The following KHDRBS1 variants were observed in gnomAD, a reference collection of about 807,000 sequenced individuals.
KHDRBS1 encodes KH RNA binding domain containing, signal transduction associated 1.
KHDRBS1 carries 7 observed loss-of-function variants against 48.4 expected under a neutral mutation model. The observed-to-expected ratio is 0.14, with a 90% CI of 0.08 to 0.27. KHDRBS1 has a LOEUF of 0.27. Ranked by LOEUF, KHDRBS1 falls within the 10% of genes least tolerant of loss-of-function variation. The pLI is 1.00. For synonymous variants in KHDRBS1, 241 were observed against 235.8 expected (o/e 1.02, Z -0.20); for missense variants, 458 against 601.2 (o/e 0.76, Z 2.49).
chr1:32,040,677 G>A (rs1167114276), intron 8 of KHDRBS1, among the ~76,000 whole-genome samples: 1 of 152,242 alleles, frequency 6.6e-6, no homozygotes, highest in Non-Finnish European at 1.5e-5. Flanking sequence ...CTATGTGGCA[G>A]TGGATGCAGC....
At chr1:32,058,269 G>A (rs1417113541) in intron 10 of KHDRBS1, among the ~76,000 whole-genome samples, 2 of 151,944 alleles carry the variant, frequency 1.3e-5, no homozygotes, top group Non-Finnish European at 2.9e-5. Context: ...TTTATTTTTT[G>A]TAGAGACAAG....
At chr1:32,037,458 A>AG (rs778793642) in intron 5 of KHDRBS1, among the ~76,000 whole-genome samples, 33 of 152,146 alleles carry the variant, frequency 2.2e-4, no homozygotes, top group Non-Finnish European at 4.6e-4. Flanking sequence ...AAAAAAAAAA[A>AG]TAGAGTTCTA....
At chr1:32,026,607 C>CA (rs911259325) in intron 1 of KHDRBS1, among the ~76,000 whole-genome samples, 4 of 152,178 alleles carry the variant, frequency 2.6e-5, no homozygotes, top group African/African-American at 9.7e-5. Context: ...CTTAAATTCA[C>CA]AGAGTGCATT....
intron 1 of KHDRBS1, among the ~76,000 whole-genome samples, chr1:32,016,186 G>GAAAAAAAAAA (rs576956025): frequency 1.2e-5 from 1 of 84,814 alleles, no homozygotes. Flanking sequence ...CTCAAAAAAG[G>GAAAAAAAAAA]AAAAAAAAAA....
chr1:32,029,015 C>G (rs1428255339), intron 1 of KHDRBS1, among the ~76,000 whole-genome samples: 1 of 152,158 alleles, frequency 6.6e-6, no homozygotes. Flanking sequence ...CTTTGCAAGA[C>G]AGATGTCTGG....
In KHDRBS1 at chr1:32,031,507, CCT is replaced by C. The variant is rs1553222937; in HGVS notation, c.508-14_508-13del. 6.9e-7 allele frequency: 1 copy of C among 1,451,998 alleles called. No homozygotes were observed. Among genetic ancestry groups the C allele is most frequent in the Non-Finnish European group, 9.5e-7 (1 of 1,054,598 alleles). The allele number at this position is 1,451,998 out of a possible 1,614,324, so 89.9% of individuals were successfully genotyped here. On this transcript the variant is annotated splice_polypyrimidine_tract_variant and intron_variant, in intron 2 of 8. Transcript: ENST00000327300. ...TATAGTAGCATGTATATTTAGAAAT[CCT>C]CTATTTTCTGTCAGTTCAATTTTGT...
intron 10 of KHDRBS1, among the ~76,000 whole-genome samples, chr1:32,059,219 G>T (rs1639516665): frequency 6.8e-6 from 1 of 147,658 alleles, no homozygotes; most frequent in South Asian, 2.2e-4. Context: ...AACATATTAA[G>T]GCTCCAGGTT....
At chr1:32,038,736 G>A in intron 7 of KHDRBS1, 117 bp downstream of exon 7, 1 of 936,576 alleles carries the variant, frequency 1.1e-6, no homozygotes, top group Non-Finnish European at 1.7e-6. Flanking sequence ...CCTTTTGAGG[G>A]TATCTCCTCT....
At chr1:32,056,978 TGTTAA>T (rs1286985315) in intron 10 of KHDRBS1, among the ~76,000 whole-genome samples, 1 of 152,084 alleles carries the variant, frequency 6.6e-6, no homozygotes, top group African/African-American at 2.4e-5. Context: ...ATTTCAATTG[TGTTAA>T]GTTCTACAAA....
rs760870263 is a variant in KHDRBS1, at chr1:32,037,985, C to T, written c.1056C>T (p.Ile352=). 1.2e-6 allele frequency: 2 copies of T among 1,614,188 alleles called. No individual in the cohort carries two copies. The highest frequency in any genetic ancestry group is 4.5e-5 in the East Asian group (2 of 44,884). Residue 352 remains isoleucine (I), a synonymous_variant, in exon 6 of 9, where the codon ATC becomes ATT. Coordinates refer to ENST00000327300, the MANE Select transcript of KHDRBS1 (RefSeq NM_006559.3). ...CACCAAGAGCACGGACAGCGGGCAT[C>T]CAGAGGATACCTTTGCCTCCACCTC... ...APAPRARTAG[I]QRIPLPPPPA...
At chr1:32,030,829 CT>C (rs59591822) in intron 2 of KHDRBS1, among the ~76,000 whole-genome samples, 1 of 149,514 alleles carries the variant, frequency 6.7e-6, no homozygotes, top group Non-Finnish European at 1.5e-5. Flanking sequence ...TAAGTAAATG[CT>C]TTTTTTCTTC....
downstream of KHDRBS1, among the ~76,000 whole-genome samples, chr1:32,044,832 G>A (rs1639339164): frequency 6.6e-6 from 1 of 152,114 alleles, no homozygotes; most frequent in African/African-American, 2.4e-5. Flanking sequence ...TAACCTAAAT[G>A]TCTGATTTTA....
At chr1:32,041,583 C>CA (rs1553224036) in intron 8 of KHDRBS1, among the ~76,000 whole-genome samples, 22 of 75,606 alleles carry the variant, frequency 2.9e-4, no homozygotes, top group Admixed American at 1.4e-3. Flanking sequence ...AGGAATTATC[C>CA]TTTTTTTTTT....
chr1:32,046,027 AT>A (rs1639352374), downstream of KHDRBS1, among the ~76,000 whole-genome samples: 1 of 152,146 alleles, frequency 6.6e-6, no homozygotes, highest in Non-Finnish European at 1.5e-5. Flanking sequence ...GTCCAGTAAT[AT>A]CCATATTTTA....
At chr1:32,031,990 A>G (rs1301887241) in intron 3 of KHDRBS1, among the ~76,000 whole-genome samples, 6 of 152,222 alleles carry the variant, frequency 3.9e-5, no homozygotes, top group African/African-American at 1.2e-4. Context: ...GCTAAAATGC[A>G]AATAGCACAC....
intron 10 of KHDRBS1, chr1:32,052,381 A>G (rs962794050): frequency 2.0e-5 from 3 of 151,990 alleles, no homozygotes; most frequent in East Asian, 1.9e-4. Context: ...AAAGCTGCCA[A>G]TTAAACTGAC....
rs918314740 is a variant in KHDRBS1 at position 32,043,598 on chromosome 1, C to T, written c.*974C>T. The stretch of plus-strand genomic sequence containing the variant: ...GCTGGGGCCAAAAGCTGTTGATTTT[C>T]TTAAGTTGACGGTTGTCAATATATC... On this transcript the variant is annotated 3_prime_UTR_variant, in exon 9 of 9. Transcript: ENST00000327300. The T allele has an allele frequency of 3.9e-5, 6 of 152,628 alleles. No homozygotes were observed. Among genetic ancestry groups the T allele is most frequent in the African/African-American group, 7.2e-5 (3 of 41,446 alleles). 9.5% of individuals were successfully genotyped at this position (152,628 alleles called of 1,614,324 possible). A position where few individuals can be genotyped will look rare whatever the true frequency, so the allele number is the denominator to read the frequency against.
At chr1:32,017,304 T>C (rs1327941006) in intron 1 of KHDRBS1, among the ~76,000 whole-genome samples, 2 of 152,066 alleles carry the variant, frequency 1.3e-5, no homozygotes, top group African/African-American at 4.8e-5. Flanking sequence ...ATTTTGAATG[T>C]AGACTTCTAT....
chr1:32,021,132 A>T lies in KHDRBS1; in HGVS notation c.382+6755A>T, dbSNP rs184144033. Among the ~76,000 whole-genome samples the T allele has an allele frequency of 6.3e-3, 955 of 151,994 alleles. 4 individuals carry two copies. Among genetic ancestry groups the T allele is most frequent in the African/African-American group, 0.021 (877 of 41,368 alleles). ...AATTGCCTTAAAATTAAAAAAAAAAATTTTCAAAGTTGCAAAGCTCTAAAT... is the reference window on the plus strand; with the variant it reads ...AATTGCCTTAAAATTAAAAAAAAAATTTTTCAAAGTTGCAAAGCTCTAAAT... On this transcript the variant is annotated intron_variant, in intron 1 of 8. Coordinates refer to ENST00000327300, the MANE Select transcript of KHDRBS1 (RefSeq NM_006559.3).
Sources: gnomAD v4.1 joint callset for allele counts (sites outside exome capture counted in the v4.1 genomes callset) on GRCh38, gnomAD v4.1.1 for gene constraint, MANE v1.5 for transcripts, NCBI Gene and HGNC (gene_info 2026-07-23, HGNC 2026-07-21) for gene names.